COPS5: variants seen among roughly 807,000 people sequenced by gnomAD.
The protein encoded by COPS5 is COP9 signalosome complex subunit 5.
In COPS5, 8 loss-of-function variants were observed where a neutral mutation model predicts 44.4. The observed-to-expected ratio is 0.18, with a 90% CI of 0.11 to 0.32. COPS5 has a LOEUF of 0.32. Ranked by LOEUF, COPS5 falls within the 10% of genes least tolerant of loss-of-function variation. The probability of loss-of-function intolerance (pLI) is 1.00; values close to 1 mark genes in which losing one functional copy is unlikely to be tolerated. For synonymous variants in COPS5, 122 were observed against 142.8 expected, an observed-to-expected ratio of 0.85 and a Z score of 1.04; for missense variants, 159 against 406.4, an observed-to-expected ratio of 0.39 and a Z score of 5.23.
chr8:67,061,693 C>T, intron 1 of COPS5, 161 bp downstream of exon 1: 1 of 691,682 alleles, frequency 1.4e-6, no homozygotes, highest in South Asian at 1.9e-5. Context: ...GAGTGAAAGC[C>T]CCAGCGGAGG....
chr8:67,060,634 T>C, intron 1 of COPS5: 3 of 469,448 alleles, frequency 6.4e-6, no homozygotes, highest in Middle Eastern at 3.5e-4. Flanking sequence ...CTAATCTCTA[T>C]GACAATACCA....
intron 7 of COPS5, chr8:67,044,687 C>T (rs1816678228): frequency 6.6e-6 from 1 of 151,902 alleles, no homozygotes; most frequent in Admixed American, 6.6e-5. Context: ...GCAATCTCCA[C>T]CTCCTGGGTG....
rs1274331057 is a variant in COPS5, at chr8:67,057,584, A to G, written c.508-139T>C. 31 of 473,050 alleles carry G rather than the reference A, an allele frequency of 6.6e-5. No homozygotes were observed. The East Asian group carries it at 8.1e-4, about 12-fold the overall frequency. 29.3% of individuals were successfully genotyped at this position (473,050 alleles called of 1,614,324 possible). On this transcript the variant is annotated intron_variant, in intron 3 of 7. Transcript: ENST00000357849. ...CCAAATAAGAATAAACCAAAAAACC[A>G]TAAAAGTTCAGTAAGAGGGTAATAT...
intron 2 of COPS5, among the ~76,000 whole-genome samples, chr8:67,058,463 GT>G (rs1283863695): frequency 6.6e-6 from 1 of 151,946 alleles, no homozygotes; most frequent in Admixed American, 6.6e-5. Flanking sequence ...ACATAATAAT[GT>G]TTTACACTTT....
intron 1 of COPS5, 117 bp from the exon 2 acceptor site, chr8:67,059,562 T>C: frequency 1.4e-6 from 1 of 732,660 alleles, no homozygotes; most frequent in Non-Finnish European, 2.3e-6. Flanking sequence ...AAAGGGAGTG[T>C]AGACTACGGG....
intron 3 of COPS5, among the ~76,000 whole-genome samples, chr8:67,057,880 A>G (rs1303210751): frequency 1.3e-5 from 2 of 152,170 alleles, no homozygotes; most frequent in African/African-American, 4.8e-5. Flanking sequence ...ACTACCCACA[A>G]TTTACAGAGG....
intron 1 of COPS5, chr8:67,061,106 T>G (rs1804604888): frequency 5.8e-6 from 1 of 171,734 alleles, no homozygotes; most frequent in African/African-American, 2.4e-5. Context: ...GGAGATGCTC[T>G]CAGGAAAAGA....
intron 6 of COPS5, among the ~76,000 whole-genome samples, chr8:67,050,612 A>AGT (rs1317416454): frequency 3.4e-5 from 4 of 118,282 alleles, no homozygotes; most frequent in South Asian, 2.6e-4. Flanking sequence ...TGTGAGTGTG[A>AGT]GAGTGTGTGT....
At chr8:67,050,069 C>T (rs560719063) in intron 6 of COPS5, among the ~76,000 whole-genome samples, 3 of 149,550 alleles carry the variant, frequency 2.0e-5, no homozygotes, top group East Asian at 2.0e-4. Flanking sequence ...AGCGCGATCT[C>T]GGCTCACTGC....
At chr8:67,061,810 C>T (rs1200400925) in intron 1 of COPS5, 44 bp downstream of exon 1, 2 of 1,603,558 alleles carry the variant, frequency 1.2e-6, no homozygotes, top group East Asian at 2.2e-5. Context: ...TCTTAAACTC[C>T]GCCACCCTTT....
chr8:67,044,770 T>C (rs950508782), intron 7 of COPS5: 3 of 151,980 alleles, frequency 2.0e-5, no homozygotes, highest in African/African-American at 7.2e-5. Flanking sequence ...CGGTTAATTT[T>C]TGTATTTTTA....
At chr8:67,050,741 T>G (rs1293083147) in intron 6 of COPS5, among the ~76,000 whole-genome samples, 1 of 145,454 alleles carries the variant, frequency 6.9e-6, no homozygotes, top group East Asian at 2.0e-4. Context: ...TAGCGTTAAC[T>G]AAGATGAAAT....
At chr8:67,061,219 G>A (rs1804610282) in intron 1 of COPS5, 1 of 270,108 alleles carries the variant, frequency 3.7e-6, no homozygotes, top group East Asian at 1.2e-4. Context: ...ATAATTTCTG[G>A]CTTATGGGAA....
At chr8:67,043,899 TC>T (rs1340704814) in intron 7 of COPS5, 1 of 152,224 alleles carries the variant, frequency 6.6e-6, no homozygotes, top group Non-Finnish European at 1.5e-5. Context: ...CTGTTCTATT[TC>T]TTATATAATT....
At chr8:67,046,020 A>G in intron 6 of COPS5, 60 bp from the exon 7 acceptor site, 1 of 1,485,818 alleles carries the variant, frequency 6.7e-7, no homozygotes. Flanking sequence ...AAAAATCTGT[A>G]TATTTTAATG....
chr8:67,061,365 G>A, intron 1 of COPS5: 1 of 450,582 alleles, frequency 2.2e-6, no homozygotes, highest in Middle Eastern at 3.3e-4. Flanking sequence ...GAAGGCGGGA[G>A]GATCGCTTGA....
intron 5 of COPS5, among the ~76,000 whole-genome samples, chr8:67,054,807 C>T (rs1321972422): frequency 1.3e-5 from 2 of 152,034 alleles, no homozygotes. Flanking sequence ...TTTTTTGGTG[C>T]CCTCTTCTAT....
At chr8:67,049,180 T>C (rs1454593133) in intron 6 of COPS5, among the ~76,000 whole-genome samples, 1 of 152,184 alleles carries the variant, frequency 6.6e-6, no homozygotes, top group Non-Finnish European at 1.5e-5. Context: ...TAAGAAATAA[T>C]CTGGCTGGGC....
In COPS5 at chr8:67,050,614, AGTGTGTGTGT is replaced by A. The variant is rs5892073; in HGVS notation, c.771+606_771+615del. Among the ~76,000 whole-genome samples the A allele has an allele frequency of 2.1e-4, 29 of 141,150 alleles. No individual in the cohort carries two copies. The South Asian group carries it at 3.0e-3, about 14-fold the overall frequency. The allele number at this position is 141,150 out of a possible 152,430, so 92.6% of individuals were successfully genotyped here. On this transcript the variant is annotated intron_variant, in intron 6 of 7. Transcript: ENST00000357849. ...TGACCTGGAAATATGTGAGTGTGAG[AGTGTGTGTGT>A]GTGTGTGTGTGTGTGTGTATCTTGA... is the stretch of plus-strand genomic sequence containing the variant.
Sources: gnomAD v4.1 joint callset for allele counts (sites outside exome capture counted in the v4.1 genomes callset) on GRCh38, gnomAD v4.1.1 for gene constraint, MANE v1.5 for transcripts, NCBI Gene and HGNC (gene_info 2026-07-23, HGNC 2026-07-21) for gene names.